Variants in JHY observed in about 807,000 individuals in gnomAD.
JHY encodes the protein junctional cadherin complex regulator.
A neutral mutation model predicts 78.0 loss-of-function variants in JHY; 69 were observed. The observed-to-expected ratio is 0.88, with a 90% confidence interval of 0.73 to 1.08. The LOEUF is 1.08. Among genes scored for constraint, JHY ranks in the 50% least tolerant of loss-of-function variants. The pLI is 0.00. For missense variants in JHY, 944 were observed against 927.8 expected (o/e 1.02, Z -0.23); for synonymous variants, 368 against 342.6 (o/e 1.07, Z -0.82).
intron 3 of JHY, among the ~76,000 whole-genome samples, chr11:122,913,945 C>T (rs919358368): frequency 1.1e-4 from 16 of 152,074 alleles, no homozygotes; most frequent in African/African-American, 2.9e-4. Context: ...AATAAAAAAG[C>T]GGAGGGGGAT....
At position 122,915,107 on chromosome 11, in the gene JHY, A is replaced by G. The variant is rs1203428555; in HGVS notation, c.865-9790A>G. Reference sequence around the variant, plus strand: ...CCTTTGAAAACCAGAAATTTAACATAAATTTCTATCATTTTTAAGGATAGT... The same window carrying G: ...CCTTTGAAAACCAGAAATTTAACATGAATTTCTATCATTTTTAAGGATAGT... On this transcript the variant is annotated intron_variant, in intron 3 of 8. Coordinates refer to ENST00000227349, the MANE Select transcript of JHY (RefSeq NM_024806.4). Among the ~76,000 whole-genome samples the G allele has an allele frequency of 2.0e-5, 3 of 152,278 alleles. No individual in the cohort carries two copies. In the East Asian group the frequency reaches 5.8e-4, roughly 29 times the overall value.
intron 4 of JHY, among the ~76,000 whole-genome samples, chr11:122,930,246 A>T (rs1863608625): frequency 6.6e-6 from 1 of 151,916 alleles, no homozygotes; most frequent in Non-Finnish European, 1.5e-5. Flanking sequence ...ACGCCCAGCT[A>T]ATTTTTGTAT....
chr11:122,888,631 A>G (rs1862546803), intron 2 of JHY, among the ~76,000 whole-genome samples: 1 of 152,064 alleles, frequency 6.6e-6, no homozygotes, highest in African/African-American at 2.4e-5. Flanking sequence ...TTTCAGACCT[A>G]TTTTTAAAAT....
intron 6 of JHY, 112 bp downstream of exon 6, chr11:122,946,904 A>C (rs996949112): frequency 1.4e-5 from 18 of 1,315,748 alleles, no homozygotes; most frequent in Non-Finnish European, 1.8e-5. Flanking sequence ...TTGCTGCCAC[A>C]CTGGGTCGCC....
At chr11:122,941,400 G>C (rs1863872801) in intron 5 of JHY, among the ~76,000 whole-genome samples, 1 of 152,024 alleles carries the variant, frequency 6.6e-6, no homozygotes, top group Non-Finnish European at 1.5e-5. Context: ...TTTTCCAACA[G>C]TGAAAACCTT....
At position 122,903,922 on chromosome 11, in the gene JHY, C is replaced by T; in HGVS notation, c.345-3C>T. 6.4e-7 allele frequency: 1 copy of T among 1,563,332 alleles called. No individual in the cohort carries two copies. Among genetic ancestry groups the T allele is most frequent in the South Asian group, 1.2e-5 (1 of 83,806 alleles). ...CTTGGCATTTCTCTTCTGCTTTGGG[C>T]AGGCAACAACCAATAGAAGACAAAT... On this transcript the variant is annotated splice_polypyrimidine_tract_variant and splice_region_variant and intron_variant, in intron 2 of 8. Coordinates refer to ENST00000227349, the MANE Select transcript of JHY (RefSeq NM_024806.4).
chr11:122,901,829 C>T (rs902602025), intron 2 of JHY, among the ~76,000 whole-genome samples: 16 of 151,240 alleles, frequency 1.1e-4, no homozygotes, highest in East Asian at 1.9e-4. Context: ...ACCAAGATAG[C>T]GCCACTGCAC....
intron 5 of JHY, among the ~76,000 whole-genome samples, chr11:122,945,966 G>A (rs530590936): frequency 6.6e-6 from 1 of 152,190 alleles, no homozygotes; most frequent in East Asian, 1.9e-4. Flanking sequence ...TTCTTACAAC[G>A]ATCTTAGTTC....
intron 5 of JHY, among the ~76,000 whole-genome samples, chr11:122,936,555 T>C (rs976684617): frequency 8.5e-5 from 13 of 152,176 alleles, no homozygotes; most frequent in African/African-American, 3.1e-4. Flanking sequence ...GCAAATAACT[T>C]CTATCATAAA....
Position 122,924,906 on chromosome 11 carries a change from C to T in JHY, c.874C>T (p.Pro292Ser). 1.9e-6 allele frequency: 3 copies of T among 1,612,854 alleles called. No individual in the cohort carries two copies. The highest frequency in any genetic ancestry group is 2.5e-6 in the Non-Finnish European group (3 of 1,179,052). The change falls in exon 4 of 9, where the codon CCC (proline) becomes TCC (serine). Residue 292 changes from proline (P) to serine (S), a missense_variant. By Grantham distance (74) the Pro-to-Ser change is moderately conservative. Transcript: ENST00000227349. ...TGTTTTACCTACCTAGATCTCCTAC[C>T]CCGTCAGAGTAACAGACAAGACGTC... ...GESHPEQISY[P>S]VRVTDKTSIQ...
intron 6 of JHY, among the ~76,000 whole-genome samples, chr11:122,952,702 G>C (rs1398425072): frequency 6.6e-6 from 1 of 152,218 alleles, no homozygotes; most frequent in Non-Finnish European, 1.5e-5. Context: ...TTGTAAGTCA[G>C]TGGAATGATT....
chr11:122,913,139 C>A (rs993341389), intron 3 of JHY, among the ~76,000 whole-genome samples: 1 of 152,114 alleles, frequency 6.6e-6, no homozygotes, highest in African/African-American at 2.4e-5. Context: ...AAAAGACTGC[C>A]TGCAAAGGGG....
intron 6 of JHY, among the ~76,000 whole-genome samples, chr11:122,953,601 CAA>C (rs201261407): frequency 9.2e-4 from 59 of 64,420 alleles, no homozygotes; most frequent in African/African-American, 2.3e-3. Flanking sequence ...CACTCCATCT[CAA>C]AAAAAAAAAA....
intron 3 of JHY, among the ~76,000 whole-genome samples, chr11:122,919,841 C>T (rs972159379): frequency 1.3e-5 from 2 of 149,180 alleles, no homozygotes; most frequent in Non-Finnish European, 3.0e-5. Flanking sequence ...TAAAAAAAAA[C>T]GTTTCAGTGT....
In JHY at chr11:122,961,555, A is replaced by G. The variant is rs1238656825; in HGVS notation, c.*2110A>G. ...CTTTTAGTAGAGGCAGGGTTTCGCC[A>G]TGTTGACCAGGCTGGTCTTGAACTC... On this transcript the variant is annotated 3_prime_UTR_variant, in exon 9 of 9. Coordinates refer to ENST00000227349, the MANE Select transcript of JHY (RefSeq NM_024806.4). Among the ~76,000 whole-genome samples, 3 of 152,152 alleles carry G rather than the reference A, an allele frequency of 2.0e-5. No homozygotes were observed. Among genetic ancestry groups the G allele is most frequent in the Non-Finnish European group, 4.4e-5 (3 of 68,026 alleles).
chr11:122,934,385 T>G (rs953285740), intron 4 of JHY, 35 bp from the exon 5 acceptor site: 2 of 1,321,620 alleles, frequency 1.5e-6, no homozygotes, highest in African/African-American at 2.9e-5. Context: ...AGTGCCAGTC[T>G]TCTAATTTTA....
At chr11:122,937,860 T>A (rs1863790272) in intron 5 of JHY, among the ~76,000 whole-genome samples, 2 of 152,196 alleles carry the variant, frequency 1.3e-5, no homozygotes, top group African/African-American at 4.8e-5. Flanking sequence ...AAATTATCTT[T>A]CTTCTGCCCT....
chr11:122,900,583 G>A (rs1236637181), intron 2 of JHY, among the ~76,000 whole-genome samples: 1 of 130,162 alleles, frequency 7.7e-6, no homozygotes, highest in Non-Finnish European at 1.6e-5. Flanking sequence ...TGGGGAAAAG[G>A]GAGACTTTAT....
chr11:122,921,914 G>A (rs1863374115), intron 3 of JHY, among the ~76,000 whole-genome samples: 1 of 152,204 alleles, frequency 6.6e-6, no homozygotes. Flanking sequence ...AGCCCAGGAG[G>A]CGGAGGTTGT....
Sources: gnomAD v4.1 joint callset for allele counts (sites outside exome capture counted in the v4.1 genomes callset) on GRCh38, gnomAD v4.1.1 for gene constraint, MANE v1.5 for transcripts, NCBI Gene and HGNC (gene_info 2026-07-23, HGNC 2026-07-21) for gene names.